The following RAP1GAP2 variants were observed in gnomAD, a reference collection of about 807,000 sequenced individuals.
The protein encoded by RAP1GAP2 is RAP1 GTPase activating protein 2.
A neutral mutation model predicts 95.0 loss-of-function variants in RAP1GAP2; 27 were observed. The ratio of observed to expected loss-of-function variants is 0.28; its 90% CI spans 0.21 to 0.39. The LOEUF is 0.39. RAP1GAP2 is among the 10% of genes least tolerant of loss of function. The pLI, the probability that RAP1GAP2 is intolerant of heterozygous loss-of-function variation, is 1.00. For missense variants in RAP1GAP2, 771 were observed against 970.0 expected, an observed-to-expected ratio of 0.79 and a Z score of 2.72; for synonymous variants, 373 against 380.9, an observed-to-expected ratio of 0.98 and a Z score of 0.24.
rs370809078 is a variant in RAP1GAP2 at position 2,757,971 on chromosome 17, A to G, written c.50+2204A>G. Among the ~76,000 whole-genome samples, 178 of 151,062 alleles carry G rather than the reference A, an allele frequency of 1.2e-3. 2 individuals are homozygous for G. Among genetic ancestry groups the G allele is most frequent in the Admixed American group, 5.4e-3 (81 of 15,122 alleles). ...TGCAAGCTCCGCCTGCCGGGTTCACACCATTCTCCTGCCTCAGCCTCCTGA... is the reference window on the plus strand; with the variant it reads ...TGCAAGCTCCGCCTGCCGGGTTCACGCCATTCTCCTGCCTCAGCCTCCTGA... On this transcript the variant is annotated intron_variant, in intron 1 of 25. Transcript: ENST00000637138.
intron 3 of RAP1GAP2, among the ~76,000 whole-genome samples, chr17:2,917,569 C>T (rs1397365009): frequency 6.6e-6 from 1 of 152,024 alleles, no homozygotes; most frequent in African/African-American, 2.4e-5. Context: ...CGTGCCCAGC[C>T]ATTTTTGGTA....
At chr17:2,890,685 C>CTTTTTT (rs374485374) in intron 2 of RAP1GAP2, among the ~76,000 whole-genome samples, 1 of 136,208 alleles carries the variant, frequency 7.3e-6, no homozygotes, top group Non-Finnish European at 1.6e-5. Flanking sequence ...TCAGTGTTTA[C>CTTTTTT]TTTTTTTTTT....
chr17:2,993,177 G>A (rs2151571070), intron 12 of RAP1GAP2, among the ~76,000 whole-genome samples: 2 of 150,246 alleles, frequency 1.3e-5, no homozygotes, highest in East Asian at 2.0e-4. Flanking sequence ...AGCTGAGATT[G>A]CGCCAGTGCA....
At chr17:2,966,786 T>G (rs994201055) in intron 8 of RAP1GAP2, among the ~76,000 whole-genome samples, 3 of 152,222 alleles carry the variant, frequency 2.0e-5, no homozygotes, top group African/African-American at 7.2e-5. Context: ...GATTTCCAGC[T>G]AGGTGAACCT....
At position 2,875,270 on chromosome 17, in the gene RAP1GAP2, T is replaced by C. The variant is rs182886478; in HGVS notation, c.81-30014T>C. 2.0e-3 allele frequency among the ~76,000 whole-genome samples: 310 copies of C among 152,306 alleles called. 2 individuals carry two copies. Among genetic ancestry groups the C allele is most frequent in the Admixed American group, 0.017 (264 of 15,294 alleles). On this transcript the variant is annotated intron_variant, in intron 2 of 24. Coordinates refer to ENST00000254695, the MANE Select transcript of RAP1GAP2 (RefSeq NM_015085.5). ...TTAGTAGAGATGGGATCTTGCCATGTTGGCCAGGCTGGTCTCGAACTCCTG... is the reference window on the plus strand; with the variant it reads ...TTAGTAGAGATGGGATCTTGCCATGCTGGCCAGGCTGGTCTCGAACTCCTG...
intron 3 of RAP1GAP2, among the ~76,000 whole-genome samples, chr17:2,923,885 A>T (rs143094639): frequency 6.6e-6 from 1 of 152,238 alleles, no homozygotes; most frequent in Non-Finnish European, 1.5e-5. Flanking sequence ...AGGCAAACAT[A>T]AATGAGATCA....
intron 22 of RAP1GAP2, among the ~76,000 whole-genome samples, chr17:3,028,692 C>A (rs1462736491): frequency 1.3e-5 from 2 of 152,200 alleles, no homozygotes; most frequent in Non-Finnish European, 2.9e-5. Flanking sequence ...CATTCAGCCC[C>A]CTGTGGTTGG....
chr17:2,804,790 C>T (rs575201705), intron 2 of RAP1GAP2, among the ~76,000 whole-genome samples: 4 of 152,288 alleles, frequency 2.6e-5, no homozygotes, highest in South Asian at 2.1e-4. Flanking sequence ...AACGGTACCA[C>T]GCAGGAGAAG....
chr17:2,989,205 A>T (rs1171684255), intron 11 of RAP1GAP2, among the ~76,000 whole-genome samples: 2 of 152,208 alleles, frequency 1.3e-5, no homozygotes, highest in East Asian at 3.8e-4. Flanking sequence ...TTTTTATTTT[A>T]GCCATTCTGA....
At chr17:2,772,870 T>TG (rs1567637236), upstream of RAP1GAP2, among the ~76,000 whole-genome samples, 36 of 149,512 alleles carry the variant, frequency 2.4e-4, no homozygotes, top group African/African-American at 8.3e-4. Flanking sequence ...TTTTTTTTTT[T>TG]TTTTTGAGAC....
In RAP1GAP2 at chr17:2,866,637, G is replaced by C. The variant is rs1467286971; in HGVS notation, c.81-38647G>C. ...ATTTTTTGAGGCAGCATCTCCCTCT[G>C]TCGCCAGGCTGGAGTGCAGTGGTGC... On this transcript the variant is annotated intron_variant, in intron 2 of 24. Transcript: ENST00000254695. The surrounding 1 kb of genome is among the most constrained non-coding windows in gnomAD (Gnocchi z 4.0). 6.6e-6 allele frequency among the ~76,000 whole-genome samples: 1 copy of C among 152,050 alleles called. No homozygotes were observed. Among genetic ancestry groups the C allele is most frequent in the Non-Finnish European group, 1.5e-5 (1 of 68,022 alleles).
intron 2 of RAP1GAP2, among the ~76,000 whole-genome samples, chr17:2,771,386 C>T (rs549728786): frequency 2.2e-4 from 33 of 152,192 alleles, no homozygotes; most frequent in Non-Finnish European, 3.8e-4. Flanking sequence ...ACAACAGAGG[C>T]GTCCTGGCAA....
chr17:2,805,882 TCCA>T (rs1426850243), intron 2 of RAP1GAP2, among the ~76,000 whole-genome samples: 2 of 152,140 alleles, frequency 1.3e-5, no homozygotes, highest in Admixed American at 1.3e-4. Context: ...GTAGCCTGTC[TCCA>T]CTGCTGGAGC....
chr17:2,849,803 G>T (rs2071751011), intron 2 of RAP1GAP2, among the ~76,000 whole-genome samples: 1 of 150,472 alleles, frequency 6.6e-6, no homozygotes, highest in South Asian at 2.1e-4. Flanking sequence ...TGCCGTCAGA[G>T]ACTTCTGCCG....
intron 2 of RAP1GAP2, among the ~76,000 whole-genome samples, chr17:2,883,822 G>A (rs1343088731): frequency 1.3e-5 from 2 of 152,236 alleles, no homozygotes; most frequent in Admixed American, 1.3e-4. Context: ...TCAAGGCTGT[G>A]ACCCAGATAG....
upstream of RAP1GAP2, among the ~76,000 whole-genome samples, chr17:2,792,704 C>T (rs1246814233): frequency 2.0e-5 from 3 of 152,340 alleles, no homozygotes; most frequent in Middle Eastern, 3.4e-3. Context: ...GCTCCTTGGC[C>T]GGGTGTCTGA....
intron 1 of RAP1GAP2, among the ~76,000 whole-genome samples, chr17:2,787,992 A>G (rs1384196906): frequency 6.6e-6 from 1 of 152,224 alleles, no homozygotes; most frequent in African/African-American, 2.4e-5. Flanking sequence ...AATGTAGTTA[A>G]TCCTCAGTTG....
intron 3 of RAP1GAP2, among the ~76,000 whole-genome samples, chr17:2,953,306 C>T (rs960707426): frequency 3.3e-5 from 5 of 151,936 alleles, no homozygotes; most frequent in Non-Finnish European, 5.9e-5. Flanking sequence ...TCTAGCAACC[C>T]TCCTTGCCTC....
At chr17:2,833,311 G>A (rs1044027380) in intron 2 of RAP1GAP2, among the ~76,000 whole-genome samples, 16 of 151,152 alleles carry the variant, frequency 1.1e-4, no homozygotes, top group South Asian at 2.1e-4. Flanking sequence ...CCTGATTTTT[G>A]TATTTAGTAG....
Sources: gnomAD v4.1 joint callset for allele counts (sites outside exome capture counted in the v4.1 genomes callset) on GRCh38, gnomAD v4.1.1 for gene constraint, Gnocchi (gnomAD v3.1) non-coding constraint, MANE v1.5 for transcripts, NCBI Gene and HGNC (gene_info 2026-07-23, HGNC 2026-07-21) for gene names.